The following CNTNAP2 variants were observed in gnomAD, a reference collection of about 807,000 sequenced individuals.
CNTNAP2 encodes the protein contactin-associated protein-like 2.
In CNTNAP2, 98 loss-of-function variants were observed where a neutral mutation model predicts 155.2. The observed-to-expected ratio is 0.63, with a 90% CI of 0.54 to 0.75. CNTNAP2 has a LOEUF of 0.75. Ranked by LOEUF, CNTNAP2 falls within the 30% of genes least tolerant of loss-of-function variation. The pLI, the probability that CNTNAP2 is intolerant of heterozygous loss-of-function variation, is 0.00. For synonymous variants in CNTNAP2, 651 were observed against 631.2 expected, an observed-to-expected ratio of 1.03 and a Z score of -0.47; for missense variants, 1,727 against 1,688.1, an observed-to-expected ratio of 1.02 and a Z score of -0.40.
intron 20 of CNTNAP2, among the ~76,000 whole-genome samples, chr7:148,263,413 G>A (rs970896375): frequency 6.6e-6 from 1 of 151,952 alleles, no homozygotes; most frequent in Non-Finnish European, 1.5e-5. Flanking sequence ...AAAAACCTCT[G>A]AGTAGAGGCT....
At chr7:147,716,646 C>T (rs1796485318) in intron 13 of CNTNAP2, among the ~76,000 whole-genome samples, 1 of 152,120 alleles carries the variant, frequency 6.6e-6, no homozygotes, top group South Asian at 2.1e-4. Flanking sequence ...ACGCAGCTAC[C>T]GGCATCCCCC....
intron 1 of CNTNAP2, among the ~76,000 whole-genome samples, chr7:146,188,658 CAT>C (rs1375595919): frequency 6.6e-6 from 1 of 152,108 alleles, no homozygotes; most frequent in African/African-American, 2.4e-5. Flanking sequence ...TAATATGAGA[CAT>C]AAAATTATTC....
chr7:147,581,919 T>C (rs1168914173), intron 12 of CNTNAP2, among the ~76,000 whole-genome samples: 1 of 152,064 alleles, frequency 6.6e-6, no homozygotes, highest in African/African-American at 2.4e-5. Context: ...TATAAATAAT[T>C]TGAGTTATGG....
At chr7:147,364,810 C>T (rs1209523071) in intron 9 of CNTNAP2, among the ~76,000 whole-genome samples, 2 of 151,332 alleles carry the variant, frequency 1.3e-5, no homozygotes, top group East Asian at 3.9e-4. Context: ...GATCGCGCCA[C>T]TGCACTCCAG....
intron 1 of CNTNAP2, among the ~76,000 whole-genome samples, chr7:146,253,547 C>T (rs188680415): frequency 1.1e-3 from 171 of 152,266 alleles, no homozygotes; most frequent in Admixed American, 3.2e-3. Context: ...ATTTTATATT[C>T]CAGTGTATGT....
chr7:146,400,283 A>C (rs1323297868), intron 1 of CNTNAP2, among the ~76,000 whole-genome samples: 1 of 152,008 alleles, frequency 6.6e-6, no homozygotes, highest in African/African-American at 2.4e-5. Flanking sequence ...AAAAAATATG[A>C]AAAAAAGGAG....
intron 3 of CNTNAP2, among the ~76,000 whole-genome samples, chr7:146,953,448 T>G (rs1797364009): frequency 1.3e-5 from 2 of 151,968 alleles, no homozygotes; most frequent in African/African-American, 4.8e-5. Flanking sequence ...GACATCTCGT[T>G]TTACATAAAT....
At position 146,811,568 on chromosome 7, in the gene CNTNAP2, T is replaced by G. The variant is rs77973688; in HGVS notation, c.209-28143T>G. 7.1e-3 allele frequency among the ~76,000 whole-genome samples: 1,085 copies of G among 152,212 alleles called. 17 individuals are homozygous for G. Among genetic ancestry groups the G allele is most frequent in the African/African-American group, 0.025 (1,030 of 41,576 alleles). ...TAAAGGTATATAAATTTTGTTTATG[T>G]TTTCAAAAAAACTCAGTTTCATTGA... is the stretch of plus-strand genomic sequence containing the variant. On this transcript the variant is annotated intron_variant, in intron 2 of 23. Transcript: ENST00000361727.
chr7:147,587,913 A>G (rs953131837), intron 12 of CNTNAP2, among the ~76,000 whole-genome samples: 26 of 152,258 alleles, frequency 1.7e-4, no homozygotes, highest in African/African-American at 5.5e-4. Flanking sequence ...GTCTTGAGCT[A>G]TATTTCTCTG....
intron 1 of CNTNAP2, among the ~76,000 whole-genome samples, chr7:146,721,534 T>TAC (rs1801315728): frequency 8.0e-6 from 1 of 125,266 alleles, no homozygotes; most frequent in African/African-American, 3.4e-5. Context: ...ATATTCTATA[T>TAC]ACATTCTATA....
chr7:147,120,290 T>C (rs1021461763), intron 5 of CNTNAP2, among the ~76,000 whole-genome samples: 4 of 152,162 alleles, frequency 2.6e-5, no homozygotes, highest in African/African-American at 9.7e-5. Flanking sequence ...CTGTACTAAC[T>C]CATTGAATCC....
chr7:148,263,514 G>A (rs1292365938), intron 20 of CNTNAP2, among the ~76,000 whole-genome samples: 2 of 152,038 alleles, frequency 1.3e-5, no homozygotes, highest in Admixed American at 6.5e-5. Context: ...CGAGGTGGGC[G>A]GAACACAAGG....
At position 147,504,839 on chromosome 7, in the gene CNTNAP2, T is replaced by G. The variant is rs78954669; in HGVS notation, c.1777+18798T>G. ...AACTATATTCATATATATATATATA[T>G]GAATCAGAAAGACTCATTTTTCCAG... On this transcript the variant is annotated intron_variant, in intron 11 of 23. Coordinates refer to ENST00000361727, the MANE Select transcript of CNTNAP2 (RefSeq NM_014141.6). 8.9e-4 allele frequency among the ~76,000 whole-genome samples: 134 copies of G among 150,274 alleles called. 1 individual carries two copies. Among genetic ancestry groups the G allele is most frequent in the Non-Finnish European group, 1.5e-3 (99 of 67,590 alleles).
intron 13 of CNTNAP2, among the ~76,000 whole-genome samples, chr7:147,888,980 A>G (rs1396031033): frequency 1.3e-5 from 2 of 152,142 alleles, no homozygotes; most frequent in African/African-American, 4.8e-5. Flanking sequence ...AAGGAAAACA[A>G]GATGAAGCTA....
At chr7:147,469,249 C>T (rs368877706) in intron 10 of CNTNAP2, among the ~76,000 whole-genome samples, 3 of 152,094 alleles carry the variant, frequency 2.0e-5, no homozygotes, top group Admixed American at 6.6e-5. Flanking sequence ...AGTTCAATTC[C>T]GTGTCCGTTC....
intron 12 of CNTNAP2, among the ~76,000 whole-genome samples, chr7:147,572,451 A>G (rs1282502977): frequency 6.6e-6 from 1 of 152,114 alleles, no homozygotes; most frequent in Non-Finnish European, 1.5e-5. Flanking sequence ...GAGGTTTCCA[A>G]AATCGTACTC....
intron 1 of CNTNAP2, among the ~76,000 whole-genome samples, chr7:146,699,831 G>T (rs1055530828): frequency 1.3e-5 from 2 of 152,024 alleles, no homozygotes; most frequent in Non-Finnish European, 2.9e-5. Context: ...AGCTGGGTGT[G>T]ATGATACATA....
intron 4 of CNTNAP2, among the ~76,000 whole-genome samples, chr7:147,069,817 C>A (rs939531941): frequency 1.3e-5 from 2 of 152,176 alleles, no homozygotes; most frequent in Non-Finnish European, 2.9e-5. Context: ...TTGTTCAATA[C>A]AGTAGCCACT....
At position 146,245,926 on chromosome 7, in the gene CNTNAP2, A is replaced by AG. The variant is rs1799641260; in HGVS notation, c.97+128956dup. On this transcript the variant is annotated intron_variant, in intron 1 of 23. Coordinates refer to ENST00000361727, the MANE Select transcript of CNTNAP2 (RefSeq NM_014141.6). Reference sequence around the variant, plus strand: ...AGGTATTGAGGATAGGAGAGAGGATAGGGTTTGGCACCATGAGGTGGATAG... The same window carrying AG: ...AGGTATTGAGGATAGGAGAGAGGATAGGGGTTTGGCACCATGAGGTGGATAG... 5.1e-5 allele frequency among the ~76,000 whole-genome samples: 5 copies of AG among 97,518 alleles called. 1 individual carries two copies. The African/African-American group carries it at 6.4e-4, about 12-fold the overall frequency. 64.0% of individuals were successfully genotyped at this position (97,518 alleles called of 152,430 possible). A position where few individuals can be genotyped will look rare whatever the true frequency, so the allele number is the denominator to read the frequency against.
Sources: allele counts gnomAD v4.1 joint callset (sites outside exome capture counted in the v4.1 genomes callset), GRCh38; gene constraint gnomAD v4.1.1; transcripts MANE v1.5; gene names NCBI Gene and HGNC (gene_info 2026-07-23, HGNC 2026-07-21).